POU6F2: variants seen among roughly 807,000 people sequenced by gnomAD.
POU6F2 encodes POU domain, class 6, transcription factor 2.
In POU6F2, 31 loss-of-function variants were observed where a neutral mutation model predicts 71.3. That is an observed-to-expected ratio of 0.43 (90% CI 0.33 to 0.59). The LOEUF (loss-of-function observed/expected upper bound fraction) is 0.59. Among genes scored for constraint, POU6F2 ranks in the 20% least tolerant of loss-of-function variants. The pLI, the probability that POU6F2 is intolerant of heterozygous loss-of-function variation, is 0.04. For synonymous variants in POU6F2, 347 were observed against 355.7 expected (o/e 0.98, Z 0.27); for missense variants, 783 against 856.8 (o/e 0.91, Z 1.07).
chr7:39,183,164 G>A (rs547986719), intron 2 of POU6F2, among the ~76,000 whole-genome samples: 2 of 152,164 alleles, frequency 1.3e-5, no homozygotes, highest in Non-Finnish European at 2.9e-5. Flanking sequence ...CTGTGCATGC[G>A]AGGGATCTAG....
chr7:38,991,388 G>T (rs1584484041), intron 1 of POU6F2, among the ~76,000 whole-genome samples: 1 of 152,050 alleles, frequency 6.6e-6, no homozygotes, highest in Admixed American at 6.6e-5. Context: ...AACCAAATTG[G>T]TTTGCTAGCA....
In POU6F2 at chr7:39,432,124, G is replaced by A. The variant is rs145253852; in HGVS notation, c.1114-953G>A. Among the ~76,000 whole-genome samples the A allele has an allele frequency of 5.9e-5, 9 of 152,302 alleles. No individual in the cohort carries two copies. The East Asian group carries it at 1.7e-3, about 29-fold the overall frequency. The stretch of plus-strand genomic sequence containing the variant: ...TATGTCCAGATTCTATGGACACCCA[G>A]TCTGTCCATTTGCTGTTTTTCTATT... On this transcript the variant is annotated intron_variant, in intron 6 of 9. Coordinates refer to ENST00000518318, the MANE Select transcript of POU6F2 (RefSeq NM_001370959.1).
chr7:39,056,716 GA>G (rs1790535407), intron 1 of POU6F2, among the ~76,000 whole-genome samples: 1 of 148,154 alleles, frequency 6.7e-6, no homozygotes, highest in Non-Finnish European at 1.5e-5. Context: ...AGGTGGTGGG[GA>G]TGGGGTTGCC....
At chr7:39,216,232 A>C (rs1264000831) in intron 4 of POU6F2, among the ~76,000 whole-genome samples, 1 of 152,332 alleles carries the variant, frequency 6.6e-6, no homozygotes, top group Non-Finnish European at 1.5e-5. Flanking sequence ...GATACACTAC[A>C]GAAGTATTTG....
intron 8 of POU6F2, 110 bp downstream of exon 8, chr7:39,451,811 A>C: frequency 7.6e-7 from 1 of 1,321,936 alleles, no homozygotes; most frequent in Non-Finnish European, 1.0e-6. Flanking sequence ...TCTTTCTCTC[A>C]ACCCTGCACA....
At chr7:39,432,808 G>A (rs984110810) in intron 6 of POU6F2, among the ~76,000 whole-genome samples, 1 of 152,060 alleles carries the variant, frequency 6.6e-6, no homozygotes, top group African/African-American at 2.4e-5. Context: ...GGCAAAAACC[G>A]CATGTTTATA....
chr7:39,407,189 A>G (rs190923043), intron 6 of POU6F2, among the ~76,000 whole-genome samples: 13 of 152,042 alleles, frequency 8.6e-5, no homozygotes, highest in Admixed American at 6.6e-4. Flanking sequence ...AACAAAGCCA[A>G]TTTTTGAATG....
chr7:39,207,547 C>T lies in POU6F2; in HGVS notation c.525C>T (p.Leu175=). 2 of 1,614,042 alleles carry T rather than the reference C, an allele frequency of 1.2e-6. No individual in the cohort carries two copies. Among genetic ancestry groups the T allele is most frequent in the Non-Finnish European group, 1.7e-6 (2 of 1,179,888 alleles). Residue 175 remains leucine (L), a synonymous_variant, in exon 4 of 10, where the codon CTC becomes CTT. Coordinates refer to ENST00000518318, the MANE Select transcript of POU6F2 (RefSeq NM_001370959.1). The stretch of plus-strand genomic sequence containing the variant: ...TTCTCACACTGCCAACAGCGAATCT[C>T]ACCAACATCCAAGGGCTGGTGGCAG... ...GLVLTLPTAN[L]TNIQGLVAAA...
At chr7:38,982,338 G>T (rs1156494763) in intron 1 of POU6F2, among the ~76,000 whole-genome samples, 3 of 152,008 alleles carry the variant, frequency 2.0e-5, no homozygotes, top group South Asian at 2.1e-4. Context: ...TTTCCCCAAG[G>T]TATTATGGAT....
intron 9 of POU6F2, among the ~76,000 whole-genome samples, chr7:39,463,523 G>A (rs1025093298): frequency 6.6e-6 from 1 of 152,076 alleles, no homozygotes; most frequent in African/African-American, 2.4e-5. Flanking sequence ...AAGTAGCAAT[G>A]GGTAATGTTT....
chr7:39,028,223 A>G (rs1789859731), intron 1 of POU6F2, among the ~76,000 whole-genome samples: 2 of 152,084 alleles, frequency 1.3e-5, no homozygotes, highest in South Asian at 2.1e-4. Flanking sequence ...GTCTTTTGTC[A>G]GTTATGTTCA....
At chr7:39,015,750 A>G (rs369993290) in intron 1 of POU6F2, among the ~76,000 whole-genome samples, 1 of 98,424 alleles carries the variant, frequency 1.0e-5, no homozygotes, top group East Asian at 2.7e-4. Flanking sequence ...TATATTATAT[A>G]TTATATATAG....
intron 1 of POU6F2, among the ~76,000 whole-genome samples, chr7:39,029,645 GA>G (rs34754249): frequency 0.33 from 50,626 of 151,864 alleles, 9,041 homozygotes; most frequent in East Asian, 0.74. Flanking sequence ...CAAATAAAAA[GA>G]AAGAACAATT....
At chr7:39,032,452 C>T (rs1789965731) in intron 1 of POU6F2, among the ~76,000 whole-genome samples, 1 of 152,226 alleles carries the variant, frequency 6.6e-6, no homozygotes, top group African/African-American at 2.4e-5. Flanking sequence ...TGTAGACATT[C>T]AGTTGAATGA....
chr7:39,299,066 A>T lies in POU6F2; in HGVS notation c.599-40576A>T, dbSNP rs1344782019. 5.9e-5 allele frequency among the ~76,000 whole-genome samples: 9 copies of T among 152,278 alleles called. 1 individual carries two copies. In the East Asian group the frequency reaches 1.7e-3, roughly 29 times the overall value. On this transcript the variant is annotated intron_variant, in intron 4 of 9. Coordinates refer to ENST00000518318, the MANE Select transcript of POU6F2 (RefSeq NM_001370959.1). ...CAAATACCTAATGCATGTGGGACTT[A>T]AAACCTAGATGATGGGTTGATAGGT...
Position 38,993,611 on chromosome 7 carries a change from A to AACAC in POU6F2, c.105+15587_105+15590dup, listed in dbSNP as rs10553247. On this transcript the variant is annotated intron_variant, in intron 1 of 9. Coordinates refer to ENST00000518318, the MANE Select transcript of POU6F2 (RefSeq NM_001370959.1). Reference sequence around the variant, plus strand: ...CTGATATTTGAATTGCAGGATTTTAAACACACACACACACACACACACACA... The same window carrying AACAC: ...CTGATATTTGAATTGCAGGATTTTAAACACACACACACACACACACACACACACA... 1.8e-3 allele frequency among the ~76,000 whole-genome samples: 239 copies of AACAC among 130,590 alleles called. 2 individuals are homozygous for AACAC. Among genetic ancestry groups the AACAC allele is most frequent in the East Asian group, 6.5e-3 (32 of 4,930 alleles). The allele number at this position is 130,590 out of a possible 152,430, so 85.7% of individuals were successfully genotyped here.
At chr7:39,060,887 T>C (rs1790641917) in intron 1 of POU6F2, among the ~76,000 whole-genome samples, 1 of 151,908 alleles carries the variant, frequency 6.6e-6, no homozygotes, top group African/African-American at 2.4e-5. Flanking sequence ...TGTAGGGTGC[T>C]ATGATTGTGC....
chr7:39,298,216 A>G lies in POU6F2; in HGVS notation c.599-41426A>G, dbSNP rs1165636185. On this transcript the variant is annotated intron_variant, in intron 4 of 9. Coordinates refer to ENST00000518318, the MANE Select transcript of POU6F2 (RefSeq NM_001370959.1). ...GCACAGCAAAAGAAACTAGCATCAG[A>G]GTGAACAGGCAGCCCACAGAATGGG... Among the ~76,000 whole-genome samples the G allele has an allele frequency of 3.9e-5, 6 of 152,344 alleles. No individual in the cohort carries two copies. The South Asian group carries it at 1.2e-3, about 32-fold the overall frequency.
At chr7:39,400,723 G>A (rs942564036) in intron 5 of POU6F2, among the ~76,000 whole-genome samples, 2 of 152,106 alleles carry the variant, frequency 1.3e-5, no homozygotes, top group African/African-American at 4.8e-5. Flanking sequence ...TAGCCAATAT[G>A]GCTGTATATT....
Sources: gnomAD v4.1 joint callset for allele counts (sites outside exome capture counted in the v4.1 genomes callset) on GRCh38, gnomAD v4.1.1 for gene constraint, MANE v1.5 for transcripts, NCBI Gene and HGNC (gene_info 2026-07-23, HGNC 2026-07-21) for gene names.